The following PACRG variants were observed in gnomAD, a reference collection of about 807,000 sequenced individuals.
The protein encoded by PACRG is parkin coregulated gene protein.
Under a neutral mutation model 29.7 loss-of-function variants are expected in PACRG, and 29 were observed. That is an observed-to-expected ratio of 0.98 (90% CI 0.73 to 1.33). PACRG has a LOEUF of 1.33. Among genes scored for constraint, PACRG ranks in the 40% most tolerant of loss-of-function variants. PACRG has a pLI of 0.00. For missense variants in PACRG, 279 were observed against 316.2 expected, an observed-to-expected ratio of 0.88 and a Z score of 0.89; for synonymous variants, 116 against 118.7, an observed-to-expected ratio of 0.98 and a Z score of 0.15.
chr6:163,105,294 T>C (rs1243064737), intron 4 of PACRG, among the ~76,000 whole-genome samples: 1 of 152,164 alleles, frequency 6.6e-6, no homozygotes, highest in Non-Finnish European at 1.5e-5. Flanking sequence ...TGTGAGAATT[T>C]CCATTATAAA....
In PACRG at chr6:163,298,243, A is replaced by G. The variant is rs1040261306; in HGVS notation, c.614-16584A>G. 2.7e-5 allele frequency among the ~76,000 whole-genome samples: 4 copies of G among 150,740 alleles called. No homozygotes were observed. The East Asian group carries it at 7.8e-4, about 29-fold the overall frequency. On this transcript the variant is annotated intron_variant, in intron 4 of 4. Coordinates refer to ENST00000366888, the MANE Select transcript of PACRG (RefSeq NM_001080379.2). Reference sequence around the variant, plus strand: ...AATAGGCCAAAGATAAGAACAAATCACTCTCACAAAGGAAAAAAAAAAAAG... The same window carrying G: ...AATAGGCCAAAGATAAGAACAAATCGCTCTCACAAAGGAAAAAAAAAAAAG...
intron 2 of PACRG, among the ~76,000 whole-genome samples, chr6:163,004,240 C>A (rs1280211662): frequency 1.3e-5 from 2 of 149,758 alleles, no homozygotes; most frequent in Non-Finnish European, 3.0e-5. Context: ...ATATATATTT[C>A]AAATATGTAT....
intron 2 of PACRG, among the ~76,000 whole-genome samples, chr6:162,892,904 G>GA (rs1794872765): frequency 2.9e-5 from 4 of 136,200 alleles, no homozygotes; most frequent in African/African-American, 5.9e-5. Flanking sequence ...CCACACCCCA[G>GA]AGAACCACCT....
At chr6:163,124,315 T>C (rs1258088123) in intron 4 of PACRG, among the ~76,000 whole-genome samples, 1 of 152,190 alleles carries the variant, frequency 6.6e-6, no homozygotes, top group African/African-American at 2.4e-5. Context: ...GGATTTGAAG[T>C]ATAGGCCAAC....
chr6:163,049,714 A>C (rs1809793326), intron 2 of PACRG, among the ~76,000 whole-genome samples: 1 of 152,250 alleles, frequency 6.6e-6, no homozygotes, highest in South Asian at 2.1e-4. Flanking sequence ...TTCTCATAGT[A>C]AGAGAAATAA....
intron 1 of PACRG, among the ~76,000 whole-genome samples, chr6:162,728,945 T>G (rs934951082): frequency 6.6e-6 from 1 of 152,200 alleles, no homozygotes; most frequent in Non-Finnish European, 1.5e-5. Flanking sequence ...CAACTTAATA[T>G]GAACACTGTT....
chr6:163,230,485 AAT>A (rs1277445599), intron 4 of PACRG, among the ~76,000 whole-genome samples: 4 of 152,174 alleles, frequency 2.6e-5, no homozygotes, highest in Non-Finnish European at 5.9e-5. Context: ...CCAGGGAGAA[AAT>A]AAACTAGTTA....
At chr6:162,774,656 C>G (rs771384144) in intron 1 of PACRG, among the ~76,000 whole-genome samples, 1 of 152,150 alleles carries the variant, frequency 6.6e-6, no homozygotes, top group Non-Finnish European at 1.5e-5. Context: ...GTTTCATTGT[C>G]TCCATCTCTA....
intron 4 of PACRG, among the ~76,000 whole-genome samples, chr6:163,232,504 T>C (rs1782084554): frequency 6.6e-6 from 1 of 151,580 alleles, no homozygotes; most frequent in Non-Finnish European, 1.5e-5. Context: ...AAGAAGGCAG[T>C]GCAGTAAGGG....
At chr6:163,285,897 A>AG (rs1302347498) in intron 4 of PACRG, among the ~76,000 whole-genome samples, 8 of 151,670 alleles carry the variant, frequency 5.3e-5, no homozygotes, top group Admixed American at 3.3e-4. Context: ...CTCACTGTTC[A>AG]GCTAGGCTGC....
At chr6:163,159,205 G>T (rs182891000) in intron 4 of PACRG, among the ~76,000 whole-genome samples, 9 of 151,434 alleles carry the variant, frequency 5.9e-5, no homozygotes, top group Non-Finnish European at 1.3e-4. Context: ...TATCTATCTG[G>T]CATTTAGCTA....
chr6:163,261,549 C>A (rs1046791012), intron 4 of PACRG, among the ~76,000 whole-genome samples: 8 of 152,124 alleles, frequency 5.3e-5, no homozygotes, highest in Non-Finnish European at 1.2e-4. Flanking sequence ...ATGAATGAGC[C>A]CTCAAACCCA....
chr6:162,867,672 C>T (rs968918359), intron 2 of PACRG, among the ~76,000 whole-genome samples: 29 of 152,158 alleles, frequency 1.9e-4, no homozygotes, highest in Non-Finnish European at 3.4e-4. Flanking sequence ...GCAACTGGCC[C>T]GAACTGAAAT....
In PACRG at chr6:162,852,005, G is replaced by GAGGAAGGAAGGA. The variant is rs749750362; in HGVS notation, c.291+37746_291+37757dup. Among the ~76,000 whole-genome samples the GAGGAAGGAAGGA allele has an allele frequency of 1.7e-3, 192 of 116,096 alleles. 3 individuals carry two copies. Among genetic ancestry groups the GAGGAAGGAAGGA allele is most frequent in the African/African-American group, 6.2e-3 (182 of 29,298 alleles). 76.2% of individuals were successfully genotyped at this position (116,096 alleles called of 152,430 possible). A position where few individuals can be genotyped will look rare whatever the true frequency, so the allele number is the denominator to read the frequency against. On this transcript the variant is annotated intron_variant, in intron 2 of 4. Transcript: ENST00000366888. ...AAGAAAAGGGAGGGAGGGAGGGAGG[G>GAGGAAGGAAGGA]AGGAAGGAAGGAAGGAAGGAAGGAA...
intron 2 of PACRG, among the ~76,000 whole-genome samples, chr6:162,857,432 C>T (rs1791496010): frequency 1.3e-5 from 2 of 152,160 alleles, no homozygotes; most frequent in Non-Finnish European, 2.9e-5. Context: ...TACAAAATTC[C>T]CTAGAGAAAC....
At chr6:163,034,489 G>T (rs531444643) in intron 2 of PACRG, among the ~76,000 whole-genome samples, 11 of 151,940 alleles carry the variant, frequency 7.2e-5, no homozygotes, top group Non-Finnish European at 1.6e-4. Flanking sequence ...CCCAAGGTTG[G>T]TCAAGCATCC....
intron 1 of PACRG, among the ~76,000 whole-genome samples, chr6:162,763,762 C>A (rs1436198601): frequency 1.3e-5 from 2 of 152,128 alleles, no homozygotes; most frequent in African/African-American, 2.4e-5. Context: ...TTTCTGTTGA[C>A]TTATATTAAA....
At chr6:163,035,892 C>T (rs1416726173) in intron 2 of PACRG, among the ~76,000 whole-genome samples, 1 of 151,804 alleles carries the variant, frequency 6.6e-6, no homozygotes, top group Admixed American at 6.6e-5. Context: ...CTCATTTTAC[C>T]CAGCTCCTAT....
At chr6:162,806,280 G>A (rs948104525) in intron 1 of PACRG, among the ~76,000 whole-genome samples, 45 of 151,880 alleles carry the variant, frequency 3.0e-4, no homozygotes, top group African/African-American at 1.0e-3. Context: ...AGCTAATTTT[G>A]TATTTTTAGT....
Sources: allele counts gnomAD v4.1 joint callset (sites outside exome capture counted in the v4.1 genomes callset), GRCh38; gene constraint gnomAD v4.1.1; transcripts MANE v1.5; gene names NCBI Gene and HGNC (gene_info 2026-07-23, HGNC 2026-07-21).